The following ITIH2 variants were observed in gnomAD, a reference collection of about 807,000 sequenced individuals.
The protein encoded by ITIH2 is inter-alpha-trypsin inhibitor heavy chain H2.
Under a neutral mutation model 104.4 loss-of-function variants are expected in ITIH2, and 103 were observed. The ratio of observed to expected loss-of-function variants is 0.99; its 90% CI spans 0.84 to 1.16. The LOEUF (loss-of-function observed/expected upper bound fraction) is 1.16. ITIH2 is among the 50% of genes most tolerant of loss of function. The pLI, the probability that ITIH2 is intolerant of heterozygous loss-of-function variation, is 0.00. For synonymous variants in ITIH2, 436 were observed against 435.4 expected, an observed-to-expected ratio of 1.00 and a Z score of -0.02; for missense variants, 1,108 against 1,162.4, an observed-to-expected ratio of 0.95 and a Z score of 0.68.
At chr10:7,723,675 A>T in intron 9 of ITIH2, 108 bp downstream of exon 9, 1 of 772,352 alleles carries the variant, frequency 1.3e-6, no homozygotes, top group Non-Finnish European at 2.3e-6. Context: ...GCTGAAGCTC[A>T]GGGACTGTGG....
At chr10:7,748,119 T>G (rs7094172) in intron 20 of ITIH2, among the ~76,000 whole-genome samples, 101,226 of 150,518 alleles carry the variant, frequency 0.67, 34,472 homozygotes, top group Non-Finnish European at 0.72. Flanking sequence ...TGAGGTAGGA[T>G]AATCACTTGA....
chr10:7,703,399 T>C lies in ITIH2; in HGVS notation c.-36T>C, dbSNP rs764062742. Reference sequence around the variant, plus strand: ...AAGAAGTGATATCCTCCCCAGACCATCTGCTTTGGGGAGCTTGGCAAAACT... The same window carrying C: ...AAGAAGTGATATCCTCCCCAGACCACCTGCTTTGGGGAGCTTGGCAAAACT... On this transcript the variant is annotated 5_prime_UTR_variant, in exon 1 of 21. Coordinates refer to ENST00000358415, the MANE Select transcript of ITIH2 (RefSeq NM_002216.3). The C allele has an allele frequency of 4.8e-6, 7 of 1,448,302 alleles. No homozygotes were observed. The highest frequency in any genetic ancestry group is 1.7e-4 in the Middle Eastern group (1 of 5,776). 89.7% of individuals were successfully genotyped at this position (1,448,302 alleles called of 1,614,324 possible). A position where few individuals can be genotyped will look rare whatever the true frequency, so the allele number is the denominator to read the frequency against.
chr10:7,721,073 T>G, intron 7 of ITIH2, 110 bp downstream of exon 7: 1 of 718,370 alleles, frequency 1.4e-6, no homozygotes, highest in Non-Finnish European at 2.5e-6. Flanking sequence ...TTGAGGACAC[T>G]GTTGAAGAAA....
intron 12 of ITIH2, 77 bp from the exon 13 acceptor site, chr10:7,731,734 A>G: frequency 2.8e-6 from 3 of 1,083,136 alleles, no homozygotes; most frequent in Non-Finnish European, 3.9e-6. Flanking sequence ...CAAAATAAAT[A>G]AATAAATAAA....
chr10:7,717,729 C>G lies in ITIH2; in HGVS notation c.571C>G (p.Leu191Val). ...CTACCAGGAGGTGAAGTGGAGGAAG[C>G]TGGGCTCCTATGAGCACAGGATCTA... ...LHYQEVKWRK[L>V]GSYEHRIYLQ... The change falls in exon 6 of 21, where the codon CTG (leucine) becomes GTG (valine). Residue 191 changes from leucine to valine, a missense_variant. Coordinates refer to ENST00000358415, the MANE Select transcript of ITIH2 (RefSeq NM_002216.3). The G allele has an allele frequency of 6.2e-7, 1 of 1,613,272 alleles. No homozygotes were observed. Among genetic ancestry groups the G allele is most frequent in the East Asian group, 2.2e-5 (1 of 44,876 alleles).
At chr10:7,726,605 G>A (rs571710001) in intron 9 of ITIH2, among the ~76,000 whole-genome samples, 1 of 152,244 alleles carries the variant, frequency 6.6e-6, no homozygotes, top group African/African-American at 2.4e-5. Flanking sequence ...GAAAGATGAG[G>A]AAATAGTTTA....
intron 6 of ITIH2, among the ~76,000 whole-genome samples, chr10:7,719,760 C>CAAAAAAAAAAAAAAAAAAAAAAAAA (rs71385664): frequency 4.8e-5 from 2 of 41,712 alleles, no homozygotes; most frequent in Non-Finnish European, 8.2e-5. Flanking sequence ...GACCCTGTCT[C>CAAAAAAAAAAAAAAAAAAAAAAAAA]AAAAAAAAAA....
Position 7,741,820 on chromosome 10 carries a change from G to A in ITIH2, c.2096-1326G>A, listed in dbSNP as rs377302574. Among the ~76,000 whole-genome samples the A allele has an allele frequency of 1.4e-3, 210 of 152,162 alleles. 1 individual carries two copies. The highest frequency in any genetic ancestry group is 5.0e-3 in the African/African-American group (207 of 41,516). ...TTCTTCAAGAACCTGTCCTCTGGTC[G>A]CATTGAGTTATTTTCTAAAGAAATC... On this transcript the variant is annotated intron_variant, in intron 16 of 20. Transcript: ENST00000358415.
rs112468987 is a variant in ITIH2, at chr10:7,747,001, G to A, written c.2693+297G>A. On this transcript the variant is annotated intron_variant, in intron 20 of 20. Transcript: ENST00000358415. ...CTTCACAAGTTGGATAACCAGACACGTTGATCAAAGGAGAGAATCATAAAA... is the reference window on the plus strand; with the variant it reads ...CTTCACAAGTTGGATAACCAGACACATTGATCAAAGGAGAGAATCATAAAA... Among the ~76,000 whole-genome samples, 910 of 152,292 alleles carry A rather than the reference G, an allele frequency of 6.0e-3. 6 individuals carry two copies. Among genetic ancestry groups the A allele is most frequent in the African/African-American group, 0.021 (882 of 41,542 alleles).
At chr10:7,749,133 T>C in intron 20 of ITIH2, 54 bp from the exon 21 acceptor site, 1 of 1,557,650 alleles carries the variant, frequency 6.4e-7, no homozygotes, top group Non-Finnish European at 8.8e-7. Context: ...AGAGGGAGTC[T>C]TGTGTCTAGA....
At chr10:7,740,900 G>A (rs1188683895) in intron 16 of ITIH2, among the ~76,000 whole-genome samples, 1 of 152,144 alleles carries the variant, frequency 6.6e-6, no homozygotes, top group Non-Finnish European at 1.5e-5. Flanking sequence ...AGTCACGGAG[G>A]TCCTTGATCT....
At chr10:7,707,879 A>T (rs187678602) in intron 3 of ITIH2, among the ~76,000 whole-genome samples, 1 of 152,316 alleles carries the variant, frequency 6.6e-6, no homozygotes, top group Admixed American at 6.5e-5. Context: ...TTTGATTTAA[A>T]GTATGACACC....
chr10:7,732,293 A>T (rs1048993285), intron 13 of ITIH2, 45 bp from the exon 14 acceptor site: 1 of 1,584,232 alleles, frequency 6.3e-7, no homozygotes, highest in Non-Finnish European at 8.6e-7. Context: ...AATGAACTAT[A>T]ATTCTGTTAC....
At position 7,727,128 on chromosome 10, in the gene ITIH2, T is replaced by C; in HGVS notation, c.1153+10T>C. Reference sequence around the variant, plus strand: ...ATCCAGCCCAGTGGAGGTGAGTGTGTTGGGCTAAATCCCAAGGAGACACTT... The same window carrying C: ...ATCCAGCCCAGTGGAGGTGAGTGTGCTGGGCTAAATCCCAAGGAGACACTT... On this transcript the variant is annotated intron_variant, in intron 10 of 20. Coordinates refer to ENST00000358415, the MANE Select transcript of ITIH2 (RefSeq NM_002216.3). 1 of 1,609,458 alleles carries C rather than the reference T, an allele frequency of 6.2e-7. No homozygotes were observed. Among genetic ancestry groups the C allele is most frequent in the Non-Finnish European group, 8.5e-7 (1 of 1,177,068 alleles).
Position 7,709,194 on chromosome 10 carries a change from G to C in ITIH2, c.362+3G>C, listed in dbSNP as rs188537478. ...GCATTCATTTCCAACTTCTCCATGT[G>C]AGTAACTTCTGTGTAGAGCCAGAAA... On this transcript the variant is annotated splice_donor_region_variant and intron_variant, in intron 4 of 20. Transcript: ENST00000358415. 5.0e-6 allele frequency: 8 copies of C among 1,613,776 alleles called. No homozygotes were observed. The Admixed American group carries it at 5.0e-5, about 10-fold the overall frequency.
In ITIH2 at chr10:7,705,128, T is replaced by C. The variant is rs1834734486; in HGVS notation, c.105T>C (p.Leu35=). Reference sequence around the variant, plus strand: ...TTAAGTTTGTAGACTATGAAGATCTTGTGGAACTGGCCCCAGGCAAATTTC... The same window carrying C: ...TTAAGTTTGTAGACTATGAAGATCTCGTGGAACTGGCCCCAGGCAAATTTC... ...GLSEFVDYED[L]VELAPGKFQL... Residue 35 remains leucine, a synonymous_variant, in exon 2 of 21, where the codon CTT becomes CTC. Transcript: ENST00000358415. The C allele has an allele frequency of 1.2e-6, 2 of 1,612,058 alleles. No individual in the cohort carries two copies. Among genetic ancestry groups the C allele is most frequent in the Non-Finnish European group, 1.7e-6 (2 of 1,178,642 alleles).
intron 9 of ITIH2, among the ~76,000 whole-genome samples, chr10:7,725,579 G>T (rs1834944281): frequency 6.6e-6 from 1 of 152,220 alleles, no homozygotes; most frequent in Non-Finnish European, 1.5e-5. Flanking sequence ...AGAAGTGAAA[G>T]ATGCCCCAGG....
chr10:7,727,319 C>T (rs755798509), intron 10 of ITIH2, among the ~76,000 whole-genome samples: 20 of 152,180 alleles, frequency 1.3e-4, no homozygotes, highest in Non-Finnish European at 1.5e-4. Flanking sequence ...AAGCTTTGAA[C>T]CGTTTTAATG....
intron 15 of ITIH2, among the ~76,000 whole-genome samples, chr10:7,737,549 TGTATTCTATATAATATTATATATTAA>T (rs1375768077): frequency 1.5e-5 from 2 of 133,070 alleles, no homozygotes; most frequent in East Asian, 4.6e-4. Flanking sequence ...ATATATATTA[TGTATTCTATATAATATTATATATTAA>T]ATTCTATATT....
Sources: gnomAD v4.1 joint callset for allele counts (sites outside exome capture counted in the v4.1 genomes callset) on GRCh38, gnomAD v4.1.1 for gene constraint, MANE v1.5 for transcripts, NCBI Gene and HGNC (gene_info 2026-07-23, HGNC 2026-07-21) for gene names.